Variants in EDARADD observed in about 807,000 individuals in gnomAD.
EDARADD encodes EDAR associated via death domain.
EDARADD carries 20 observed loss-of-function variants against 25.6 expected under a neutral mutation model. The observed-to-expected ratio is 0.78, with a 90% CI of 0.55 to 1.14. EDARADD has a LOEUF of 1.14. Among genes scored for constraint, EDARADD ranks in the 50% most tolerant of loss-of-function variants. The pLI, the probability that EDARADD is intolerant of heterozygous loss-of-function variation, is 0.00. For synonymous variants in EDARADD, 86 were observed against 94.4 expected, an observed-to-expected ratio of 0.91 and a Z score of 0.52; for missense variants, 225 against 270.1, an observed-to-expected ratio of 0.83 and a Z score of 1.17.
intron 1 of EDARADD, among the ~76,000 whole-genome samples, chr1:236,408,319 C>T (rs1667774070): frequency 6.6e-6 from 1 of 152,128 alleles, no homozygotes; most frequent in Admixed American, 6.5e-5. Context: ...TCTTCTGCCT[C>T]AGCCTCCTGA....
At chr1:236,389,723 C>T (rs1667397765), upstream of EDARADD, among the ~76,000 whole-genome samples, 1 of 152,176 alleles carries the variant, frequency 6.6e-6, no homozygotes, top group Non-Finnish European at 1.5e-5. Context: ...GGTAACAAGA[C>T]TAGGCATGGT....
intron 5 of EDARADD, among the ~76,000 whole-genome samples, chr1:236,478,305 G>A (rs971850511): frequency 1.3e-5 from 2 of 151,494 alleles, no homozygotes; most frequent in African/African-American, 4.9e-5. Context: ...CTCATAATCA[G>A]GAGAGTTGGG....
upstream of EDARADD, among the ~76,000 whole-genome samples, chr1:236,390,869 G>T (rs1667413589): frequency 6.6e-6 from 1 of 152,064 alleles, no homozygotes; most frequent in Admixed American, 6.6e-5. Context: ...AAGGTCAGTA[G>T]TCTAGAGCCT....
upstream of EDARADD, among the ~76,000 whole-genome samples, chr1:236,393,151 T>A (rs749825698): frequency 2.0e-5 from 3 of 152,292 alleles, no homozygotes; most frequent in Middle Eastern, 6.8e-3. Context: ...AGACTCAGTT[T>A]TGGTTTCTTA....
chr1:236,405,913 C>CCTTT (rs1558112926), intron 1 of EDARADD, among the ~76,000 whole-genome samples: 1 of 53,126 alleles, frequency 1.9e-5, no homozygotes, highest in African/African-American at 6.8e-5. Flanking sequence ...TTCTTTCTTT[C>CCTTT]TTTCTTTCTT....
chr1:236,373,170 T>C (rs1040689355), intron 3 of EDARADD, among the ~76,000 whole-genome samples: 1 of 151,558 alleles, frequency 6.6e-6, no homozygotes, highest in Non-Finnish European at 1.5e-5. Flanking sequence ...CCGCCTTGGC[T>C]TCCCAAAGTG....
At chr1:236,478,838 G>A (rs753355757) in intron 5 of EDARADD, among the ~76,000 whole-genome samples, 3 of 152,080 alleles carry the variant, frequency 2.0e-5, no homozygotes, top group Non-Finnish European at 2.9e-5. Flanking sequence ...CACCCGCCTC[G>A]GCCTCCCAAA....
At chr1:236,379,616 TA>T (rs1436005145) in intron 3 of EDARADD, among the ~76,000 whole-genome samples, 1 of 151,472 alleles carries the variant, frequency 6.6e-6, no homozygotes, top group Non-Finnish European at 1.5e-5. Flanking sequence ...CCATCTCTAC[TA>T]AAAATACAAA....
At chr1:236,357,097 A>T (rs1462671627) in intron 3 of EDARADD, among the ~76,000 whole-genome samples, 1 of 150,862 alleles carries the variant, frequency 6.6e-6, no homozygotes, top group Non-Finnish European at 1.5e-5. Context: ...ATAAAAAATA[A>T]AAAAAAAAAG....
At chr1:236,366,733 A>ATCTC (rs200878038) in intron 3 of EDARADD, among the ~76,000 whole-genome samples, 5 of 145,878 alleles carry the variant, frequency 3.4e-5, no homozygotes, top group African/African-American at 7.5e-5. Flanking sequence ...CAGAGAGCTC[A>ATCTC]TCTCTCTCTT....
chr1:236,437,802 CG>C (rs1658299878), intron 4 of EDARADD, among the ~76,000 whole-genome samples: 1 of 137,132 alleles, frequency 7.3e-6, no homozygotes, highest in Non-Finnish European at 1.5e-5. Flanking sequence ...AGTGCAATGG[CG>C]TGATCTCAGA....
intron 1 of EDARADD, among the ~76,000 whole-genome samples, chr1:236,401,045 A>G (rs566195494): frequency 1.3e-5 from 2 of 151,986 alleles, no homozygotes; most frequent in Non-Finnish European, 2.9e-5. Context: ...TAAAAATACA[A>G]AAATTAGCTG....
chr1:236,403,741 C>A (rs1667657746), intron 1 of EDARADD, among the ~76,000 whole-genome samples: 1 of 152,150 alleles, frequency 6.6e-6, no homozygotes. Context: ...GATTTAGGAC[C>A]CACAGAAAGA....
intron 3 of EDARADD, among the ~76,000 whole-genome samples, chr1:236,425,135 G>A (rs1044555985): frequency 1.3e-5 from 2 of 152,208 alleles, no homozygotes; most frequent in Non-Finnish European, 2.9e-5. Flanking sequence ...TGGCCCAAGT[G>A]GGGACATTAA....
At position 236,372,726 on chromosome 1, in the gene EDARADD, A is replaced by G. The variant is rs551694225; in HGVS notation, c.-6+21887A>G. 4.6e-5 allele frequency among the ~76,000 whole-genome samples: 7 copies of G among 152,248 alleles called. No homozygotes were observed. In the East Asian group the frequency reaches 1.2e-3, roughly 25 times the overall value. ...TGGAAGGTTATTAATTATTGATTCAATTTCTTTAATTAATAGATAATAGGC... is the reference window on the plus strand; with the variant it reads ...TGGAAGGTTATTAATTATTGATTCAGTTTCTTTAATTAATAGATAATAGGC... On this transcript the variant is annotated intron_variant, in intron 3 of 7. Transcript: ENST00000439430.
intron 5 of EDARADD, among the ~76,000 whole-genome samples, chr1:236,481,693 C>T (rs1659677409): frequency 6.7e-6 from 1 of 149,456 alleles, no homozygotes; most frequent in African/African-American, 2.5e-5. Context: ...GTGGGAGGAT[C>T]GCTTGAGCCT....
At chr1:236,356,764 A>ACC (rs1280225483) in intron 3 of EDARADD, among the ~76,000 whole-genome samples, 1 of 140,562 alleles carries the variant, frequency 7.1e-6, no homozygotes, top group Non-Finnish European at 1.6e-5. Flanking sequence ...AACAAAAAAA[A>ACC]AAACCACACC....
intron 3 of EDARADD, among the ~76,000 whole-genome samples, chr1:236,355,631 T>C (rs548659513): frequency 1.4e-5 from 2 of 147,742 alleles, no homozygotes; most frequent in African/African-American, 5.0e-5. Flanking sequence ...TGACTCAGCC[T>C]CCCAAGTAGC....
intron 5 of EDARADD, among the ~76,000 whole-genome samples, chr1:236,477,130 T>C (rs982757998): frequency 2.0e-5 from 3 of 152,132 alleles, no homozygotes; most frequent in Admixed American, 6.5e-5. Flanking sequence ...ATTTTTGTTA[T>C]AGATCCTTCC....
Sources: allele counts gnomAD v4.1 joint callset (sites outside exome capture counted in the v4.1 genomes callset), GRCh38; gene constraint gnomAD v4.1.1; transcripts MANE v1.5; gene names NCBI Gene and HGNC (gene_info 2026-07-23, HGNC 2026-07-21).